USP50: variants seen among roughly 807,000 people sequenced by gnomAD.
USP50 encodes the protein ubiquitin carboxyl-terminal hydrolase 50.
A neutral mutation model predicts 39.2 loss-of-function variants in USP50; 37 were observed. The ratio of observed to expected loss-of-function variants is 0.94; its 90% CI spans 0.73 to 1.24. The LOEUF (loss-of-function observed/expected upper bound fraction) is 1.24, where lower values mean the gene tolerates loss of function less well. USP50 is among the 50% of genes most tolerant of loss of function. The pLI, the probability that USP50 is intolerant of heterozygous loss-of-function variation, is 0.00. For missense variants in USP50, 374 were observed against 398.2 expected (o/e 0.94, Z 0.52); for synonymous variants, 139 against 144.5 (o/e 0.96, Z 0.27).
At chr15:50,499,946 G>C (rs2052550624), downstream of USP50, 1 of 152,076 alleles carries the variant, frequency 6.6e-6, no homozygotes, top group Non-Finnish European at 1.5e-5. Context: ...AAGTAAAAAT[G>C]CCGGGAGTCA....
chr15:50,506,627 G>A (rs2052661967), intron 6 of USP50: 1 of 152,092 alleles, frequency 6.6e-6, no homozygotes, highest in African/African-American at 2.4e-5. Flanking sequence ...TGAAATATAT[G>A]GGATGTAGTA....
rs547765400 is a variant in USP50, at chr15:50,539,931, C to T, written c.661-1080G>A. On this transcript the variant is annotated intron_variant, in intron 4 of 6. Transcript: ENST00000532404. Reference sequence around the variant, plus strand: ...CCATTAACTGGAAGAAGAAGAAGAGCGCAGATTTTGTTTGCAGAGGAGCCA... The same window carrying T: ...CCATTAACTGGAAGAAGAAGAAGAGTGCAGATTTTGTTTGCAGAGGAGCCA... Among the ~76,000 whole-genome samples, 17 of 152,232 alleles carry T rather than the reference C, an allele frequency of 1.1e-4. No homozygotes were observed. The South Asian group carries it at 1.5e-3, about 13-fold the overall frequency.
At chr15:50,509,200 C>CCATCTACT (rs1247798881) in intron 6 of USP50, 1 of 146,124 alleles carries the variant, frequency 6.8e-6, no homozygotes, top group East Asian at 2.0e-4. Context: ...GCCTGTAGTT[C>CCATCTACT]CATCTACTTG....
At chr15:50,493,041 A>C, downstream of USP50, 2 of 1,008,152 alleles carry the variant, frequency 2.0e-6, no homozygotes, top group African/African-American at 1.6e-5. Flanking sequence ...GTAAAGAACA[A>C]AAATTTATTT....
downstream of USP50, chr15:50,498,850 T>C (rs1385046384): frequency 6.4e-7 from 1 of 1,557,302 alleles, no homozygotes; most frequent in East Asian, 2.3e-5. Flanking sequence ...TTGGCGTATT[T>C]TAAATAACAA....
intron 6 of USP50, among the ~76,000 whole-genome samples, chr15:50,516,265 A>G (rs969850311): frequency 1.3e-5 from 2 of 152,198 alleles, no homozygotes; most frequent in African/African-American, 4.8e-5. Flanking sequence ...TGGCAGTAGC[A>G]AATATCAATT....
intron 4 of USP50, 86 bp from the exon 5 acceptor site, chr15:50,538,937 G>T: frequency 1.4e-6 from 2 of 1,411,278 alleles, no homozygotes; most frequent in South Asian, 3.0e-5. Flanking sequence ...TGCAAATGCC[G>T]TGGAAATGTA....
At position 50,522,774 on chromosome 15, in the gene USP50, T is replaced by C. The variant is rs137964070; in HGVS notation, c.936+7023A>G. On this transcript the variant is annotated intron_variant, in intron 6 of 6. Coordinates refer to ENST00000532404, the MANE Select transcript of USP50 (RefSeq NM_203494.5). Reference sequence around the variant, plus strand: ...GATTCTCCTGCCTCAGCCTCCTGAGTAGCTGGGACTACAGGTGTGTGCCAC... The same window carrying C: ...GATTCTCCTGCCTCAGCCTCCTGAGCAGCTGGGACTACAGGTGTGTGCCAC... Among the ~76,000 whole-genome samples, 207 of 152,248 alleles carry C rather than the reference T, an allele frequency of 1.4e-3. 3 individuals are homozygous for C. The East Asian group carries it at 0.028, about 20-fold the overall frequency.
chr15:50,535,137 A>T (rs546984209), intron 5 of USP50, among the ~76,000 whole-genome samples: 40 of 144,570 alleles, frequency 2.8e-4, no homozygotes, highest in African/African-American at 9.3e-4. Context: ...AAACTCTGTC[A>T]CACACACACA....
chr15:50,498,921 G>C (rs1267260385), downstream of USP50: 3 of 1,611,206 alleles, frequency 1.9e-6, no homozygotes, highest in Admixed American at 5.0e-5. Flanking sequence ...CGGTGGGCTG[G>C]ATGGAGGCCA....
chr15:50,519,206 G>C (rs2052828046), intron 6 of USP50, among the ~76,000 whole-genome samples: 1 of 152,064 alleles, frequency 6.6e-6, no homozygotes, highest in Non-Finnish European at 1.5e-5. Flanking sequence ...AGAATCCCTT[G>C]AACCTGGGAA....
chr15:50,537,137 G>T (rs1262032851), intron 5 of USP50, among the ~76,000 whole-genome samples: 1 of 151,750 alleles, frequency 6.6e-6, no homozygotes. Flanking sequence ...GACCCACAAA[G>T]ATATAATCAA....
intron 5 of USP50, among the ~76,000 whole-genome samples, chr15:50,532,565 C>T (rs535851112): frequency 2.3e-4 from 35 of 152,224 alleles, no homozygotes; most frequent in African/African-American, 7.7e-4. Flanking sequence ...GTCAGTTTCT[C>T]TTACCCAGTT....
intron 6 of USP50, among the ~76,000 whole-genome samples, chr15:50,519,303 T>C (rs374358577): frequency 1.3e-5 from 2 of 149,102 alleles, no homozygotes; most frequent in South Asian, 4.3e-4. Context: ...ATCAGTACAA[T>C]ACAATAAAAA....
intron 1 of USP50, among the ~76,000 whole-genome samples, chr15:50,546,030 G>A (rs549753289): frequency 6.6e-6 from 1 of 151,312 alleles, no homozygotes; most frequent in Middle Eastern, 3.4e-3. Context: ...GAACACTGAG[G>A]GTTCCAAACG....
At chr15:50,546,364 TCACA>T in intron 1 of USP50, 105 bp downstream of exon 1, 2 of 1,184,886 alleles carry the variant, frequency 1.7e-6, no homozygotes, top group Non-Finnish European at 2.5e-6. Flanking sequence ...CTTCCATGGG[TCACA>T]CCTGGGAGAA....
chr15:50,533,058 C>G (rs563165744), intron 5 of USP50, among the ~76,000 whole-genome samples: 3 of 151,814 alleles, frequency 2.0e-5, no homozygotes, highest in Non-Finnish European at 2.9e-5. Context: ...TGTATCCCAG[C>G]GCTTTGGGAG....
chr15:50,519,057 C>T (rs543731287), intron 6 of USP50, among the ~76,000 whole-genome samples: 38 of 152,082 alleles, frequency 2.5e-4, no homozygotes, highest in Non-Finnish European at 5.0e-4. Context: ...GAGGCAGACG[C>T]GGGCGAATCA....
chr15:50,543,203 A>G (rs929387605), intron 3 of USP50, among the ~76,000 whole-genome samples: 2 of 152,156 alleles, frequency 1.3e-5, no homozygotes, highest in African/African-American at 4.8e-5. Context: ...ATAAAGTTCT[A>G]TATGTTATTT....
Sources: gnomAD v4.1 joint callset for allele counts (sites outside exome capture counted in the v4.1 genomes callset) on GRCh38, gnomAD v4.1.1 for gene constraint, MANE v1.5 for transcripts, NCBI Gene and HGNC (gene_info 2026-07-23, HGNC 2026-07-21) for gene names.